FAM20A: variants seen among roughly 807,000 people sequenced by gnomAD.
The protein encoded by FAM20A is FAM20A golgi associated secretory pathway pseudokinase.
FAM20A carries 42 observed loss-of-function variants against 52.0 expected under a neutral mutation model. That is an observed-to-expected ratio of 0.81 (90% confidence interval 0.63 to 1.04). The LOEUF is 1.04. FAM20A is among the 50% of genes least tolerant of loss of function. The pLI is 0.00. For missense variants in FAM20A, 742 were observed against 712.7 expected (o/e 1.04, Z -0.47); for synonymous variants, 304 against 298.9 (o/e 1.02, Z -0.18).
At chr17:68,553,634 A>G (rs1178052719) in intron 3 of FAM20A, among the ~76,000 whole-genome samples, 1 of 152,032 alleles carries the variant, frequency 6.6e-6, no homozygotes, top group Non-Finnish European at 1.5e-5. Context: ...CTCTGGCTAT[A>G]TTAGAATCAC....
intron 1 of FAM20A, among the ~76,000 whole-genome samples, chr17:68,574,195 A>C (rs2087660077): frequency 6.6e-6 from 1 of 151,460 alleles, no homozygotes; most frequent in Admixed American, 6.6e-5. Context: ...CTCCCAAGTA[A>C]CTGGGACCAC....
chr17:68,598,784 T>C (rs1047345292), intron 1 of FAM20A, among the ~76,000 whole-genome samples: 2 of 152,206 alleles, frequency 1.3e-5, no homozygotes, highest in Non-Finnish European at 2.9e-5. Flanking sequence ...TGTGACTAAA[T>C]GAATGCTGAT....
intron 4 of FAM20A, 66 bp downstream of exon 4, chr17:68,551,807 T>A (rs1171809608): frequency 7.6e-6 from 9 of 1,177,202 alleles, no homozygotes; most frequent in Non-Finnish European, 1.1e-5. Flanking sequence ...CTTTTATTAG[T>A]TTTTGGTCCA....
At chr17:68,542,649 T>C in intron 6 of FAM20A, 45 bp downstream of exon 6, 2 of 1,468,224 alleles carry the variant, frequency 1.4e-6, no homozygotes, top group Non-Finnish European at 9.5e-7. Context: ...CACTCTGGCT[T>C]ACGATCTACT....
intron 1 of FAM20A, among the ~76,000 whole-genome samples, chr17:68,575,796 A>ACACACACACG (rs2087747830): frequency 7.9e-6 from 1 of 127,344 alleles, no homozygotes; most frequent in Non-Finnish European, 1.6e-5. Context: ...TATTATACAC[A>ACACACACACG]CACACACACA....
At chr17:68,551,181 G>A in intron 4 of FAM20A, 1 of 1,184,484 alleles carries the variant, frequency 8.4e-7, no homozygotes, top group Non-Finnish European at 1.1e-6. Flanking sequence ...TCCTTTGGGG[G>A]CCAGAAACCC....
intron 1 of FAM20A, among the ~76,000 whole-genome samples, chr17:68,581,351 T>TTTCTTTCTTTCTTTCC (rs1337719633): frequency 2.4e-4 from 6 of 24,912 alleles, no homozygotes; most frequent in Non-Finnish European, 4.6e-4. Context: ...AAATGCAGTT[T>TTTCTTTCTTTCTTTCC]TTCTTTCTTT....
chr17:68,580,272 G>C (rs1300598608), intron 1 of FAM20A, among the ~76,000 whole-genome samples: 1 of 152,214 alleles, frequency 6.6e-6, no homozygotes, highest in Non-Finnish European at 1.5e-5. Context: ...GTGGTGGGTG[G>C]GGGGAGACAC....
At chr17:68,548,723 A>ATTTTT (rs200833117) in intron 4 of FAM20A, among the ~76,000 whole-genome samples, 47 of 117,998 alleles carry the variant, frequency 4.0e-4, no homozygotes, top group Non-Finnish European at 5.9e-4. Context: ...CTATGCCTGT[A>ATTTTT]TATTTTTTTT....
chr17:68,535,627 T>C lies in FAM20A; in HGVS notation c.*1850A>G, dbSNP rs1242748137. ...GGGCCACAACAGTTAAGGAAATCTT[T>C]GGGATTAAGGTTTCTCTGTTAAAGA... On this transcript the variant is annotated 3_prime_UTR_variant, in exon 11 of 11. Coordinates refer to ENST00000592554, the MANE Select transcript of FAM20A (RefSeq NM_017565.4). 2.2e-6 allele frequency: 1 copy of C among 453,968 alleles called. No homozygotes were observed. Among genetic ancestry groups the C allele is most frequent in the African/African-American group, 2.0e-5 (1 of 50,082 alleles). The allele number at this position is 453,968 out of a possible 1,614,324, so 28.1% of individuals were successfully genotyped here. A position where few individuals can be genotyped will look rare whatever the true frequency, so the allele number is the denominator to read the frequency against.
At chr17:68,579,559 AT>A (rs1166211932) in intron 1 of FAM20A, among the ~76,000 whole-genome samples, 1 of 152,160 alleles carries the variant, frequency 6.6e-6, no homozygotes, top group African/African-American at 2.4e-5. Context: ...ATCTGAATTC[AT>A]TTACCTATTG....
intron 1 of FAM20A, among the ~76,000 whole-genome samples, chr17:68,587,082 G>A (rs533421819): frequency 6.6e-6 from 1 of 152,238 alleles, no homozygotes; most frequent in South Asian, 2.1e-4. Context: ...TTTTAGTAGC[G>A]ATGGGGTTTC....
chr17:68,583,266 A>C (rs890701298), intron 1 of FAM20A, among the ~76,000 whole-genome samples: 13 of 152,150 alleles, frequency 8.5e-5, no homozygotes, highest in African/African-American at 3.1e-4. Flanking sequence ...AAACTACCAC[A>C]AACTTAGTGG....
chr17:68,594,276 G>A (rs1171967637), intron 1 of FAM20A, among the ~76,000 whole-genome samples: 1 of 151,752 alleles, frequency 6.6e-6, no homozygotes, highest in Non-Finnish European at 1.5e-5. Flanking sequence ...GCGGGCGCCT[G>A]TAGTCCCAGC....
chr17:68,546,719 A>T (rs2086585182), intron 4 of FAM20A, among the ~76,000 whole-genome samples: 1 of 151,390 alleles, frequency 6.6e-6, no homozygotes, highest in African/African-American at 2.4e-5. Flanking sequence ...AGTCCCAGCC[A>T]CTCGGGAGGC....
chr17:68,555,953 G>A (rs72844610), intron 1 of FAM20A, among the ~76,000 whole-genome samples: 4 of 152,214 alleles, frequency 2.6e-5, no homozygotes, highest in African/African-American at 9.7e-5. Flanking sequence ...TTACACTCTA[G>A]TGAGCAAAAC....
chr17:68,540,740 G>A, intron 8 of FAM20A, 109 bp downstream of exon 8: 1 of 1,355,710 alleles, frequency 7.4e-7, no homozygotes, highest in Non-Finnish European at 1.0e-6. Flanking sequence ...GAGGTGCAGA[G>A]TTACTCAGTC....
chr17:68,557,970 G>T (rs1328610084), intron 1 of FAM20A, among the ~76,000 whole-genome samples: 1 of 152,198 alleles, frequency 6.6e-6, no homozygotes, highest in Non-Finnish European at 1.5e-5. Flanking sequence ...TGATGGCATT[G>T]TTGAATTTAG....
Position 68,536,333 on chromosome 17 carries a change from C to A in FAM20A, c.*1144G>T, listed in dbSNP as rs2086095498. On this transcript the variant is annotated 3_prime_UTR_variant, in exon 11 of 11. Transcript: ENST00000592554. Reference sequence around the variant, plus strand: ...TACTTTTGTTGACTGACTAGTCACTCCATGGAATGAAGACCTTACTGTCCT... The same window carrying A: ...TACTTTTGTTGACTGACTAGTCACTACATGGAATGAAGACCTTACTGTCCT... 4.4e-6 allele frequency: 2 copies of A among 453,884 alleles called. No individual in the cohort carries two copies. The highest frequency in any genetic ancestry group is 8.8e-6 in the Non-Finnish European group (2 of 226,784). 28.1% of individuals were successfully genotyped at this position (453,884 alleles called of 1,614,324 possible).
Sources: gnomAD v4.1 joint callset for allele counts (sites outside exome capture counted in the v4.1 genomes callset) on GRCh38, gnomAD v4.1.1 for gene constraint, MANE v1.5 for transcripts, NCBI Gene and HGNC (gene_info 2026-07-23, HGNC 2026-07-21) for gene names.